FAM53A: variants seen among roughly 807,000 people sequenced by gnomAD.
The protein encoded by FAM53A is family with sequence similarity 53 member A, also known as protein FAM53A.
A neutral mutation model predicts 26.6 loss-of-function variants in FAM53A; 28 were observed. The observed-to-expected ratio is 1.05, with a 90% CI of 0.78 to 1.45. The LOEUF is 1.45. Among genes scored for constraint, FAM53A ranks in the 40% most tolerant of loss-of-function variants. The pLI is 0.00. For synonymous variants in FAM53A, 290 were observed against 253.1 expected (o/e 1.15, Z -1.38); for missense variants, 650 against 575.8 (o/e 1.13, Z -1.32).
intron 4 of FAM53A, chr4:1,644,455 T>C (rs1298522401): frequency 3.7e-6 from 5 of 1,343,254 alleles, no homozygotes; most frequent in Non-Finnish European, 5.0e-6. Context: ...CCAACAGCGC[T>C]AGCGAAGGCC....
chr4:1,676,638 T>C (rs890601954), intron 1 of FAM53A, among the ~76,000 whole-genome samples: 1 of 152,126 alleles, frequency 6.6e-6, no homozygotes, highest in Non-Finnish European at 1.5e-5. Context: ...TTCAGCCCTG[T>C]CCTTGGGTAC....
intron 4 of FAM53A, 29 bp from the exon 5 acceptor site, chr4:1,641,636 C>A: frequency 1.2e-6 from 2 of 1,611,118 alleles, no homozygotes; most frequent in Non-Finnish European, 8.5e-7. Context: ...GGGCTTAAAG[C>A]ATTTCTAGCA....
downstream of FAM53A, among the ~76,000 whole-genome samples, chr4:1,613,602 T>C (rs566793396): frequency 2.8e-4 from 43 of 152,278 alleles, no homozygotes; most frequent in African/African-American, 1.0e-3. Flanking sequence ...CCGACGTGCG[T>C]GGCTATGCGT....
the FAM53A span, among the ~76,000 whole-genome samples, chr4:1,592,337 G>A: frequency 5.9e-5 from 9 of 152,224 alleles, no homozygotes; most frequent in African/African-American, 2.2e-4. Flanking sequence ...GCGGAGCGAG[G>A]GCTCCGGGAG....
chr4:1,632,464 G>A (rs1183361853), intron 1 of FAM53A, among the ~76,000 whole-genome samples: 1 of 152,162 alleles, frequency 6.6e-6, no homozygotes, highest in Non-Finnish European at 1.5e-5. Flanking sequence ...AGCCCACTGT[G>A]CAGTATTCTG....
the FAM53A span, among the ~76,000 whole-genome samples, chr4:1,575,161 G>T: frequency 1.3e-5 from 2 of 152,192 alleles, no homozygotes; most frequent in African/African-American, 4.8e-5. Context: ...GGGGCCACCC[G>T]GCAGGGCTGA....
chr4:1,639,173 T>G (rs938346307), downstream of FAM53A, among the ~76,000 whole-genome samples: 131 of 152,222 alleles, frequency 8.6e-4, no homozygotes, highest in East Asian at 7.7e-4. Context: ...TGCCATGTCC[T>G]GCAGACCAGT....
chr4:1,666,780 T>A (rs1292016482), intron 2 of FAM53A, among the ~76,000 whole-genome samples: 1 of 152,264 alleles, frequency 6.6e-6, no homozygotes, highest in Non-Finnish European at 1.5e-5. Context: ...GGTGGGCGGA[T>A]CACTGACCAG....
downstream of FAM53A, among the ~76,000 whole-genome samples, chr4:1,635,836 C>CTTTT (rs141715501): frequency 5.8e-4 from 47 of 81,522 alleles, 1 homozygote; most frequent in East Asian, 1.2e-3. Flanking sequence ...AATACTAATT[C>CTTTT]TTTTTTTTTT....
At chr4:1,683,110 G>A (rs147781959) in intron 1 of FAM53A, among the ~76,000 whole-genome samples, 4 of 152,332 alleles carry the variant, frequency 2.6e-5, no homozygotes, top group African/African-American at 9.6e-5. Context: ...CCGGACGAGG[G>A]AAAACTACAA....
the FAM53A span, among the ~76,000 whole-genome samples, chr4:1,582,330 C>A: frequency 6.6e-6 from 1 of 152,218 alleles, no homozygotes; most frequent in Non-Finnish European, 1.5e-5. Flanking sequence ...GAGTCCACGG[C>A]GTTCCTCCTG....
At chr4:1,677,342 C>T (rs533040259) in intron 1 of FAM53A, among the ~76,000 whole-genome samples, 193 of 152,280 alleles carry the variant, frequency 1.3e-3, no homozygotes, top group African/African-American at 4.4e-3. Context: ...TCCTGGACTC[C>T]GTGTCCCACG....
At chr4:1,657,348 G>T in intron 3 of FAM53A, 60 bp downstream of exon 3, 1 of 1,503,128 alleles carries the variant, frequency 6.7e-7, no homozygotes. Flanking sequence ...GACCCTCCCA[G>T]CCCAGGAGCC....
intron 3 of FAM53A, among the ~76,000 whole-genome samples, chr4:1,656,708 C>T (rs1713412438): frequency 1.3e-5 from 2 of 152,132 alleles, no homozygotes; most frequent in Admixed American, 1.3e-4. Flanking sequence ...CTCACACATG[C>T]TACTTCCATC....
chr4:1,656,912 C>A (rs59809932), intron 3 of FAM53A, among the ~76,000 whole-genome samples: 2 of 152,052 alleles, frequency 1.3e-5, no homozygotes, highest in Non-Finnish European at 2.9e-5. Flanking sequence ...TTACCTGGCC[C>A]GTGAACACCA....
chr4:1,613,266 G>A (rs755352578), downstream of FAM53A, among the ~76,000 whole-genome samples: 3 of 152,182 alleles, frequency 2.0e-5, no homozygotes, highest in Admixed American at 1.3e-4. Flanking sequence ...TAGGGGCGCC[G>A]GCAGGTTTGG....
At chr4:1,596,457 C>T in the FAM53A span, among the ~76,000 whole-genome samples, 1 of 148,980 alleles carries the variant, frequency 6.7e-6, no homozygotes, top group Non-Finnish European at 1.5e-5. Flanking sequence ...TGTCACCGCC[C>T]AACGCTGGCT....
At chr4:1,589,137 T>C in the FAM53A span, among the ~76,000 whole-genome samples, 1 of 152,204 alleles carries the variant, frequency 6.6e-6, no homozygotes, top group African/African-American at 2.4e-5. Context: ...TAGCTTTTGA[T>C]CAAGTTAAGA....
At chr4:1,638,789 T>G (rs1195835048), downstream of FAM53A, among the ~76,000 whole-genome samples, 1 of 147,528 alleles carries the variant, frequency 6.8e-6, no homozygotes, top group Non-Finnish European at 1.5e-5. Flanking sequence ...GGCTGGGGTG[T>G]GAGCAGTCAG....
Sources: allele counts gnomAD v4.1 joint callset (sites outside exome capture counted in the v4.1 genomes callset), GRCh38; gene constraint gnomAD v4.1.1; transcripts MANE v1.5; gene names NCBI Gene and HGNC (gene_info 2026-07-23, HGNC 2026-07-21).